PLXDC2: variants seen among roughly 807,000 people sequenced by gnomAD.
The protein encoded by PLXDC2 is plexin domain containing 2.
PLXDC2 carries 40 observed loss-of-function variants against 68.9 expected under a neutral mutation model. The ratio of observed to expected loss-of-function variants is 0.58; its 90% confidence interval spans 0.45 to 0.76. The LOEUF is 0.76. Among genes scored for constraint, PLXDC2 ranks in the 30% least tolerant of loss-of-function variants. The pLI, the probability that PLXDC2 is intolerant of heterozygous loss-of-function variation, is 0.00. For synonymous variants in PLXDC2, 243 were observed against 234.2 expected, an observed-to-expected ratio of 1.04 and a Z score of -0.34; for missense variants, 644 against 661.9, an observed-to-expected ratio of 0.97 and a Z score of 0.30.
chr10:20,025,550 C>T (rs1433029629), intron 2 of PLXDC2, among the ~76,000 whole-genome samples: 1 of 152,166 alleles, frequency 6.6e-6, no homozygotes, highest in East Asian at 1.9e-4. Flanking sequence ...GTGTGAGCCA[C>T]AGCACCCAGC....
intron 1 of PLXDC2, among the ~76,000 whole-genome samples, chr10:19,841,511 A>G (rs978623579): frequency 1.4e-5 from 2 of 147,982 alleles, no homozygotes; most frequent in Non-Finnish European, 3.0e-5. Flanking sequence ...ATAAATGACC[A>G]TTGTTAGAAT....
At chr10:19,859,652 T>G (rs890230990) in intron 1 of PLXDC2, among the ~76,000 whole-genome samples, 2 of 152,168 alleles carry the variant, frequency 1.3e-5, no homozygotes, top group African/African-American at 4.8e-5. Context: ...ATTTTAGAAT[T>G]TTAAGGAATC....
At chr10:19,927,091 CAGTCATTTATTTATTCAGT>C (rs1205598009) in intron 1 of PLXDC2, among the ~76,000 whole-genome samples, 2 of 152,164 alleles carry the variant, frequency 1.3e-5, no homozygotes, top group Non-Finnish European at 2.9e-5. Flanking sequence ...CTTATTCATT[CAGTCATTTATTTATTCAGT>C]AGTCATTCAG....
intron 1 of PLXDC2, among the ~76,000 whole-genome samples, chr10:19,901,253 C>T (rs959227645): frequency 6.6e-6 from 1 of 152,054 alleles, no homozygotes. Context: ...AATCTCTACA[C>T]TGTTTTCCAT....
intron 1 of PLXDC2, among the ~76,000 whole-genome samples, chr10:19,956,220 G>A (rs1268597078): frequency 6.6e-6 from 1 of 152,094 alleles, no homozygotes; most frequent in Non-Finnish European, 1.5e-5. Context: ...ACATGAAAAC[G>A]AGTCTTAATT....
At chr10:20,152,251 A>T (rs2131802450) in intron 6 of PLXDC2, among the ~76,000 whole-genome samples, 1 of 152,280 alleles carries the variant, frequency 6.6e-6, no homozygotes, top group East Asian at 1.9e-4. Context: ...GAAATAGGGA[A>T]GTACAACTGC....
chr10:20,062,140 A>C (rs149703842), intron 3 of PLXDC2, among the ~76,000 whole-genome samples: 1 of 152,324 alleles, frequency 6.6e-6, no homozygotes, highest in East Asian at 1.9e-4. Context: ...TAAAAGGTTA[A>C]ATAGGCTGGG....
At chr10:20,189,659 A>G (rs914181556) in intron 9 of PLXDC2, among the ~76,000 whole-genome samples, 5 of 150,786 alleles carry the variant, frequency 3.3e-5, no homozygotes, top group African/African-American at 7.3e-5. Flanking sequence ...TGCCGAATCT[A>G]TATGCTGCAT....
At chr10:19,870,218 G>A (rs759637451) in intron 1 of PLXDC2, among the ~76,000 whole-genome samples, 1 of 152,192 alleles carries the variant, frequency 6.6e-6, no homozygotes, top group Non-Finnish European at 1.5e-5. Flanking sequence ...TAGACAGGGA[G>A]GAGGAGAAAT....
At chr10:20,148,193 G>GA (rs1021715802) in intron 6 of PLXDC2, among the ~76,000 whole-genome samples, 1 of 150,286 alleles carries the variant, frequency 6.7e-6, no homozygotes. Flanking sequence ...ATGTCTCTAA[G>GA]AAAAAAAATT....
chr10:20,045,725 A>T (rs568368991), intron 2 of PLXDC2, among the ~76,000 whole-genome samples: 1 of 152,180 alleles, frequency 6.6e-6, no homozygotes, highest in African/African-American at 2.4e-5. Flanking sequence ...ATGATAAATG[A>T]ATTACACAAA....
chr10:19,863,381 G>A (rs16919468), intron 1 of PLXDC2, among the ~76,000 whole-genome samples: 12,842 of 152,232 alleles, frequency 0.084, 1,808 homozygotes, highest in African/African-American at 0.29. Context: ...GGGCTGGTAC[G>A]TTGCACAGAG....
chr10:20,127,589 C>T (rs1434998005), intron 4 of PLXDC2, among the ~76,000 whole-genome samples: 2 of 152,132 alleles, frequency 1.3e-5, no homozygotes, highest in African/African-American at 2.4e-5. Flanking sequence ...AAGAAGGACT[C>T]CTATCCAAAG....
Position 20,132,423 on chromosome 10 carries a change from T to C in PLXDC2, c.542-10872T>C, listed in dbSNP as rs142291540. Among the ~76,000 whole-genome samples the C allele has an allele frequency of 3.7e-3, 569 of 152,320 alleles. 3 individuals are homozygous for C. The highest frequency in any genetic ancestry group is 0.013 in the African/African-American group (551 of 41,584). On this transcript the variant is annotated intron_variant, in intron 4 of 13. Transcript: ENST00000377252. ...ATGGATTGTTTTTGTCTGGATGACC[T>C]ATCCACTGCTGAAGGTGGCAATATT... is the stretch of plus-strand genomic sequence containing the variant.
intron 2 of PLXDC2, among the ~76,000 whole-genome samples, chr10:20,009,158 T>A (rs1375302389): frequency 6.6e-6 from 1 of 152,204 alleles, no homozygotes; most frequent in Non-Finnish European, 1.5e-5. Context: ...TAAGACATCA[T>A]CCCATTTCAC....
At chr10:20,122,543 C>T (rs556312140) in intron 4 of PLXDC2, among the ~76,000 whole-genome samples, 1 of 152,316 alleles carries the variant, frequency 6.6e-6, no homozygotes, top group South Asian at 2.1e-4. Context: ...TGGAGTCCCG[C>T]ACAGATGGGA....
At position 19,840,385 on chromosome 10, in the gene PLXDC2, A is replaced by G. The variant is rs1453788679; in HGVS notation, c.112+23194A>G. Among the ~76,000 whole-genome samples, 4 of 152,278 alleles carry G rather than the reference A, an allele frequency of 2.6e-5. No individual in the cohort carries two copies. In the East Asian group the frequency reaches 5.8e-4, roughly 22 times the overall value. On this transcript the variant is annotated intron_variant, in intron 1 of 13. Transcript: ENST00000377252. ...GAGGATTTAGGGGCTATCTGGTCCA[A>G]TCTCTTCATTTTACAAATATAACCC...
chr10:20,109,097 T>C (rs1833526679), intron 4 of PLXDC2, among the ~76,000 whole-genome samples: 1 of 152,238 alleles, frequency 6.6e-6, no homozygotes, highest in Admixed American at 6.5e-5. Flanking sequence ...TCATTGTTAT[T>C]TGAAATGCTA....
chr10:20,146,118 T>C (rs1325241610), intron 5 of PLXDC2, among the ~76,000 whole-genome samples: 1 of 152,148 alleles, frequency 6.6e-6, no homozygotes, highest in Non-Finnish European at 1.5e-5. Flanking sequence ...GTCTAAGTCT[T>C]CTGCCCTCTG....
Sources: allele counts gnomAD v4.1 joint callset (sites outside exome capture counted in the v4.1 genomes callset), GRCh38; gene constraint gnomAD v4.1.1; transcripts MANE v1.5; gene names NCBI Gene and HGNC (gene_info 2026-07-23, HGNC 2026-07-21).